Variants in CDH13 observed in about 807,000 individuals in gnomAD.
CDH13 encodes cadherin-13.
Under a neutral mutation model 63.8 loss-of-function variants are expected in CDH13, and 24 were observed. The observed-to-expected ratio is 0.38, with a 90% CI of 0.27 to 0.53. The LOEUF is 0.53. CDH13 is among the 20% of genes least tolerant of loss of function. CDH13 has a pLI of 0.85. For missense variants in CDH13, 1,049 were observed against 903.1 expected, an observed-to-expected ratio of 1.16 and a Z score of -2.07; for synonymous variants, 503 against 355.3, an observed-to-expected ratio of 1.42 and a Z score of -4.67.
intron 7 of CDH13, among the ~76,000 whole-genome samples, chr16:83,539,604 G>A (rs1037105626): frequency 6.6e-6 from 1 of 152,242 alleles, no homozygotes; most frequent in Non-Finnish European, 1.5e-5. Flanking sequence ...TTGTTGAAGT[G>A]TTGGTAACAG....
At chr16:83,239,401 T>C (rs1283230828) in intron 5 of CDH13, among the ~76,000 whole-genome samples, 1 of 152,172 alleles carries the variant, frequency 6.6e-6, no homozygotes, top group Admixed American at 6.5e-5. Flanking sequence ...AATAATTGTT[T>C]AATCCTTCTG....
At chr16:83,537,821 T>A (rs1433547821) in intron 7 of CDH13, among the ~76,000 whole-genome samples, 2 of 152,198 alleles carry the variant, frequency 1.3e-5, no homozygotes, top group East Asian at 3.9e-4. Flanking sequence ...ATCAGGCCAT[T>A]ATACCAATCT....
chr16:83,129,613 C>A (rs1441144203), intron 4 of CDH13, among the ~76,000 whole-genome samples: 1 of 152,192 alleles, frequency 6.6e-6, no homozygotes, highest in Non-Finnish European at 1.5e-5. Context: ...TTGACACCAG[C>A]TGGGGTATTT....
intron 1 of CDH13, among the ~76,000 whole-genome samples, chr16:82,640,991 T>C (rs147629659): frequency 5.0e-4 from 76 of 152,230 alleles, no homozygotes; most frequent in African/African-American, 1.4e-3. Flanking sequence ...AGTTGGTAAA[T>C]GATCTCAAGG....
chr16:83,397,991 G>A, intron 6 of CDH13: 1 of 133,976 alleles, frequency 7.5e-6, no homozygotes, highest in East Asian at 2.6e-4. Flanking sequence ...GCAGGTGCAG[G>A]GGAGGCTTCT....
chr16:83,195,760 G>A lies in CDH13; in HGVS notation c.484-21585G>A, dbSNP rs1309381723. On this transcript the variant is annotated intron_variant, in intron 4 of 13. Coordinates refer to ENST00000567109, the MANE Select transcript of CDH13 (RefSeq NM_001257.5). ...GTCATCAAGATAGCATGATACAGCA[G>A]GGGAGAGATACATGGATCAGTGGAA... 2.0e-5 allele frequency among the ~76,000 whole-genome samples: 3 copies of A among 152,174 alleles called. No individual in the cohort carries two copies. In the East Asian group the frequency reaches 5.8e-4, roughly 29 times the overall value.
At chr16:82,697,909 C>A (rs151176240) in intron 1 of CDH13, among the ~76,000 whole-genome samples, 1 of 152,134 alleles carries the variant, frequency 6.6e-6, no homozygotes, top group Non-Finnish European at 1.5e-5. Context: ...GTTGCCCCAA[C>A]ATGACAGTGC....
At chr16:82,877,570 C>T (rs944608086) in intron 2 of CDH13, among the ~76,000 whole-genome samples, 3 of 152,100 alleles carry the variant, frequency 2.0e-5, no homozygotes, top group Non-Finnish European at 4.4e-5. Context: ...GTGGTAACAG[C>T]AATGCAATGG....
chr16:83,062,228 T>C (rs532914703), intron 3 of CDH13, among the ~76,000 whole-genome samples: 1 of 152,328 alleles, frequency 6.6e-6, no homozygotes, highest in East Asian at 1.9e-4. Context: ...CCTTATCAAC[T>C]TACTTAAATT....
intron 4 of CDH13, among the ~76,000 whole-genome samples, chr16:83,165,792 A>C (rs1331843684): frequency 6.6e-6 from 1 of 152,152 alleles, no homozygotes; most frequent in Non-Finnish European, 1.5e-5. Context: ...AGAAGGCAGA[A>C]CTAGCAAATG....
At chr16:82,962,438 G>A (rs1907161686) in intron 2 of CDH13, among the ~76,000 whole-genome samples, 1 of 152,142 alleles carries the variant, frequency 6.6e-6, no homozygotes, top group Non-Finnish European at 1.5e-5. Context: ...TTTGCCACAA[G>A]GTTTGTAGTA....
intron 1 of CDH13, among the ~76,000 whole-genome samples, chr16:82,762,020 T>G (rs1451911641): frequency 2.0e-5 from 3 of 152,222 alleles, no homozygotes; most frequent in South Asian, 4.1e-4. Flanking sequence ...TTGAAAGCCT[T>G]GCTGAATTTT....
chr16:83,044,880 G>C (rs548503585), intron 3 of CDH13, among the ~76,000 whole-genome samples: 1 of 152,086 alleles, frequency 6.6e-6, no homozygotes. Context: ...TGTTGTCAGA[G>C]GTAAATTTCC....
At chr16:83,771,016 T>G (rs451947) in intron 11 of CDH13, among the ~76,000 whole-genome samples, 103,063 of 151,882 alleles carry the variant, frequency 0.68, 35,317 homozygotes, top group Admixed American at 0.72. Flanking sequence ...CCTTGGACAT[T>G]TTCCTTAATC....
At chr16:83,643,683 T>C (rs1273892667) in intron 8 of CDH13, among the ~76,000 whole-genome samples, 1 of 152,178 alleles carries the variant, frequency 6.6e-6, no homozygotes, top group Non-Finnish European at 1.5e-5. Flanking sequence ...TGTTTAGTAA[T>C]CCAAGTCAGT....
intron 1 of CDH13, among the ~76,000 whole-genome samples, chr16:82,664,654 T>C (rs766015554): frequency 2.0e-4 from 31 of 152,264 alleles, no homozygotes; most frequent in Non-Finnish European, 4.0e-4. Context: ...AGATGTGATT[T>C]GTTTTCTGTT....
chr16:83,508,088 G>A (rs1307913609), intron 7 of CDH13, among the ~76,000 whole-genome samples: 1 of 70,568 alleles, frequency 1.4e-5, no homozygotes, highest in Non-Finnish European at 2.9e-5. Context: ...AGGAAGGAAG[G>A]AAGGAAGGAA....
In CDH13 at chr16:83,294,602, ATG is replaced by A. The variant is rs931696658; in HGVS notation, c.637-50244_637-50243del. Among the ~76,000 whole-genome samples the A allele has an allele frequency of 4.1e-3, 599 of 147,046 alleles. 5 individuals are homozygous for A. The highest frequency in any genetic ancestry group is 0.011 in the African/African-American group (436 of 38,276). On this transcript the variant is annotated intron_variant, in intron 5 of 13. Coordinates refer to ENST00000567109, the MANE Select transcript of CDH13 (RefSeq NM_001257.5). Reference sequence around the variant, plus strand: ...ATATAATATATACATATATATGTGTATGTGTGTGTGTGTGTGTATATATATAT... The same window carrying A: ...ATATAATATATACATATATATGTGTATGTGTGTGTGTGTGTATATATATAT...
chr16:82,925,728 A>G (rs1006146391), intron 2 of CDH13, among the ~76,000 whole-genome samples: 20 of 151,856 alleles, frequency 1.3e-4, no homozygotes, highest in Admixed American at 1.2e-3. Context: ...TGAATTTAAA[A>G]CCTCTACCTA....
Sources: gnomAD v4.1 joint callset for allele counts (sites outside exome capture counted in the v4.1 genomes callset) on GRCh38, gnomAD v4.1.1 for gene constraint, MANE v1.5 for transcripts, NCBI Gene and HGNC (gene_info 2026-07-23, HGNC 2026-07-21) for gene names.